CC2D2A: variants seen among roughly 807,000 people sequenced by gnomAD.
The protein encoded by CC2D2A is coiled-coil and C2 domain containing 2A.
CC2D2A carries 155 observed loss-of-function variants against 212.9 expected under a neutral mutation model. The observed-to-expected ratio is 0.73, with a 90% CI of 0.64 to 0.83. The LOEUF is 0.83. Among genes scored for constraint, CC2D2A ranks in the 40% least tolerant of loss-of-function variants. The probability of loss-of-function intolerance (pLI) is 0.00; values close to 1 mark genes in which losing one functional copy is unlikely to be tolerated. For synonymous variants in CC2D2A, 667 were observed against 686.5 expected, an observed-to-expected ratio of 0.97 and a Z score of 0.44; for missense variants, 1,856 against 1,956.2, an observed-to-expected ratio of 0.95 and a Z score of 0.97.
At chr4:15,543,436 G>GA (rs1718560744) in intron 17 of CC2D2A, 1 of 152,168 alleles carries the variant, frequency 6.6e-6, no homozygotes, top group African/African-American at 2.4e-5. Flanking sequence ...GAGGTTTGGT[G>GA]AAAACCTGAG....
chr4:15,596,279 T>C lies in CC2D2A; in HGVS notation c.4437+72T>C, dbSNP rs537588355. On this transcript the variant is annotated intron_variant, in intron 34 of 36. Transcript: ENST00000424120. ...GGAAATTATACTGGGTTACAAGATA[T>C]TTTTTACCCCTGGGTAGTCTAGAAC... 2.2e-6 allele frequency: 3 copies of C among 1,357,536 alleles called. No individual in the cohort carries two copies. The African/African-American group carries it at 4.4e-5, about 20-fold the overall frequency. The allele number at this position is 1,357,536 out of a possible 1,614,324, so 84.1% of individuals were successfully genotyped here. A position where few individuals can be genotyped will look rare whatever the true frequency, so the allele number is the denominator to read the frequency against.
rs558777331 is a variant in CC2D2A at position 15,589,809 on chromosome 4, A to G, written c.4314+130A>G. 1.2e-3 allele frequency: 231 copies of G among 189,902 alleles called. 3 individuals are homozygous for G. In the African/African-American group the frequency reaches 0.019, roughly 16 times the overall value. 11.8% of individuals were successfully genotyped at this position (189,902 alleles called of 1,614,324 possible). On this transcript the variant is annotated intron_variant, in intron 33 of 36. Coordinates refer to ENST00000424120, the MANE Select transcript of CC2D2A (RefSeq NM_001378615.1). ...AATATATATATATATACACACATAT[A>G]TATATACCAGTTAAAAGAAATGCAG...
chr4:15,586,033 G>T, intron 30 of CC2D2A, 124 bp from the exon 31 acceptor site: 1 of 614,352 alleles, frequency 1.6e-6, no homozygotes, highest in South Asian at 2.5e-5. Context: ...AATATTTAGT[G>T]AGCATTAGTT....
rs200434902 is a variant in CC2D2A at position 15,514,775 on chromosome 4, C to T, written c.786C>T (p.Asp262=). The T allele has an allele frequency of 1.0e-4, 162 of 1,612,980 alleles. No homozygotes were observed. The East Asian group carries it at 2.4e-3, about 24-fold the overall frequency. ...DFLLGLDHVA[D]DFVAVRPADY... is the part of the protein sequence containing the mutation. Reference sequence around the variant, plus strand: ...TATTGGGCTTAGATCACGTGGCTGACGATTTTGTAGCAGTCAGACCTGCAG... The same window carrying T: ...TATTGGGCTTAGATCACGTGGCTGATGATTTTGTAGCAGTCAGACCTGCAG... Residue 262 remains aspartate, a synonymous_variant, in exon 9 of 37, where the codon GAC becomes GAT. Transcript: ENST00000424120.
intron 4 of CC2D2A, chr4:15,492,631 AG>A (rs1479571123): frequency 2.0e-6 from 1 of 493,438 alleles, no homozygotes; most frequent in African/African-American, 2.0e-5. Context: ...ATTCTCAGTG[AG>A]GTGGGGGACT....
chr4:15,522,907 T>C (rs542893574), intron 11 of CC2D2A, among the ~76,000 whole-genome samples: 7 of 151,524 alleles, frequency 4.6e-5, no homozygotes, highest in Admixed American at 2.0e-4. Flanking sequence ...TCACCTGAGA[T>C]CAGGAGTTCA....
intron 28 of CC2D2A, among the ~76,000 whole-genome samples, chr4:15,571,749 A>G (rs1013855597): frequency 1.3e-5 from 2 of 152,148 alleles, no homozygotes; most frequent in Non-Finnish European, 2.9e-5. Context: ...AATAATTTAC[A>G]TTTCCTTCTC....
chr4:15,530,401 T>A (rs1396490896), intron 13 of CC2D2A, among the ~76,000 whole-genome samples: 1 of 152,160 alleles, frequency 6.6e-6, no homozygotes, highest in East Asian at 1.9e-4. Context: ...TAAATAAAAA[T>A]TATTTTTTAT....
Position 15,480,975 on chromosome 4 carries a change from C to T in CC2D2A, c.247+148C>T. 2.3e-6 allele frequency: 2 copies of T among 863,558 alleles called. 1 individual carries two copies. Among genetic ancestry groups the T allele is most frequent in the Non-Finnish European group, 3.5e-6 (2 of 563,706 alleles). The allele number at this position is 863,558 out of a possible 1,614,324, so 53.5% of individuals were successfully genotyped here. On this transcript the variant is annotated intron_variant, in intron 4 of 36. Transcript: ENST00000424120. ...CTTTACCCCAACTTGGTGAGTGACT[C>T]TAGGTTAATCCCTGCCAAGGAGACA... is the stretch of plus-strand genomic sequence containing the variant.
Position 15,536,800 on chromosome 4 carries a change from T to C in CC2D2A, c.1608-120T>C, listed in dbSNP as rs183091468. On this transcript the variant is annotated intron_variant, in intron 14 of 36. Coordinates refer to ENST00000424120, the MANE Select transcript of CC2D2A (RefSeq NM_001378615.1). ...TGCCTCACAGGATTGTGAGTTTACA[T>C]GTGCGACATTTTTAGAAGAGGAACT... 2.4e-5 allele frequency: 21 copies of C among 860,378 alleles called. No homozygotes were observed. The East Asian group carries it at 4.0e-4, about 16-fold the overall frequency. 53.3% of individuals were successfully genotyped at this position (860,378 alleles called of 1,614,324 possible). A position where few individuals can be genotyped will look rare whatever the true frequency, so the allele number is the denominator to read the frequency against.
chr4:15,534,785 A>G (rs1049939900), intron 14 of CC2D2A, among the ~76,000 whole-genome samples: 1 of 152,158 alleles, frequency 6.6e-6, no homozygotes, highest in Non-Finnish European at 1.5e-5. Flanking sequence ...AGTTTTCAGG[A>G]CAAGTATAAG....
Position 15,528,688 on chromosome 4 carries a change from C to T in CC2D2A, c.1428C>T (p.Thr476=), listed in dbSNP as rs747497488. 1.2e-6 allele frequency: 2 copies of T among 1,611,546 alleles called. No homozygotes were observed. Among genetic ancestry groups the T allele is most frequent in the Non-Finnish European group, 8.5e-7 (1 of 1,179,002 alleles). Reference sequence around the variant, plus strand: ...AAAAACCTCATCAGTCTCTCGATACCATCCAAAAAACCATCAATGAGTATA... The same window carrying T: ...AAAAACCTCATCAGTCTCTCGATACTATCCAAAAAACCATCAATGAGTATA... The part of the protein sequence containing the change: ...DPEKPHQSLD[T]IQKTINEYKS... Residue 476 remains threonine (T), a synonymous_variant, in exon 13 of 37, where the codon ACC becomes ACT. Transcript: ENST00000424120.
chr4:15,559,854 G>T (rs1719483552), intron 22 of CC2D2A, among the ~76,000 whole-genome samples: 2 of 151,852 alleles, frequency 1.3e-5, no homozygotes, highest in Admixed American at 1.3e-4. Context: ...CAGGGGGCTG[G>T]TTGGCTTTGT....
At chr4:15,479,180 CCT>C in intron 3 of CC2D2A, 1 of 1,411,046 alleles carries the variant, frequency 7.1e-7, no homozygotes, top group Non-Finnish European at 9.7e-7. Context: ...TGGGAAACTC[CCT>C]CTTTTTCCAA....
At chr4:15,479,468 T>G (rs1433161808) in intron 3 of CC2D2A, 2 of 714,290 alleles carry the variant, frequency 2.8e-6, no homozygotes, top group Non-Finnish European at 4.9e-6. Flanking sequence ...AGCAGTCACG[T>G]GAAGGGGCTG....
At chr4:15,503,016 G>A (rs1716050479) in intron 6 of CC2D2A, 93 bp downstream of exon 6, 1 of 895,702 alleles carries the variant, frequency 1.1e-6, no homozygotes, top group Non-Finnish European at 1.7e-6. Flanking sequence ...TATGCACAGA[G>A]GAGGTATTAA....
chr4:15,543,496 T>C (rs1468925788), intron 17 of CC2D2A: 1 of 152,138 alleles, frequency 6.6e-6, no homozygotes, highest in Non-Finnish European at 1.5e-5. Flanking sequence ...TGGGGGAAAA[T>C]AATTTCTATT....
intron 30 of CC2D2A, among the ~76,000 whole-genome samples, chr4:15,585,757 C>T (rs548700384): frequency 1.3e-5 from 2 of 152,148 alleles, no homozygotes; most frequent in African/African-American, 4.8e-5. Context: ...TTCCCAAGTA[C>T]TATTGGGAAC....
Position 15,536,224 on chromosome 4 carries a change from C to T in CC2D2A, c.1608-696C>T, listed in dbSNP as rs188006645. ...ATCACAAGGACAGAAAACCAAACAC[C>T]GCATGTTCTCACTCACAGGTGGGAA... On this transcript the variant is annotated intron_variant, in intron 14 of 36. Transcript: ENST00000424120. Among the ~76,000 whole-genome samples the T allele has an allele frequency of 5.3e-5, 8 of 151,316 alleles. No individual in the cohort carries two copies. In the East Asian group the frequency reaches 7.9e-4, roughly 15 times the overall value.
Sources: allele counts gnomAD v4.1 joint callset (sites outside exome capture counted in the v4.1 genomes callset), GRCh38; gene constraint gnomAD v4.1.1; transcripts MANE v1.5; gene names NCBI Gene and HGNC (gene_info 2026-07-23, HGNC 2026-07-21).